PRKCB: variants seen among roughly 807,000 people sequenced by gnomAD.
The protein encoded by PRKCB is protein kinase C beta, also known as protein kinase C beta type.
Under a neutral mutation model 81.5 loss-of-function variants are expected in PRKCB, and 13 were observed. That is an observed-to-expected ratio of 0.16 (90% CI 0.10 to 0.25). The LOEUF is 0.25. PRKCB is among the 10% of genes least tolerant of loss of function. PRKCB has a pLI of 1.00. For missense variants in PRKCB, 509 were observed against 875.7 expected (o/e 0.58, Z 5.29); for synonymous variants, 335 against 321.4 (o/e 1.04, Z -0.45).
At chr16:24,058,288 T>C (rs1052252471) in intron 5 of PRKCB, among the ~76,000 whole-genome samples, 1 of 152,196 alleles carries the variant, frequency 6.6e-6, no homozygotes, top group Non-Finnish European at 1.5e-5. Context: ...TATTTGCTTC[T>C]TGCCTGTTTC....
At position 24,149,418 on chromosome 16, in the gene PRKCB, G is replaced by T. The variant is rs143187269; in HGVS notation, c.1066-5266G>T. On this transcript the variant is annotated intron_variant, in intron 9 of 16. Transcript: ENST00000643927. ...AATGAAAGCTTGATTAGAATATTAA[G>T]AAGAAAAGGAAAGTTTTCTCTCATC... 5.9e-5 allele frequency among the ~76,000 whole-genome samples: 9 copies of T among 152,286 alleles called. No individual in the cohort carries two copies. The East Asian group carries it at 1.7e-3, about 29-fold the overall frequency.
chr16:24,148,937 C>A (rs1967033744), intron 9 of PRKCB, among the ~76,000 whole-genome samples: 1 of 152,158 alleles, frequency 6.6e-6, no homozygotes, highest in African/African-American at 2.4e-5. Context: ...GCAAGTCATT[C>A]CAAAACATAG....
chr16:24,154,174 G>C (rs1967119248), intron 9 of PRKCB, among the ~76,000 whole-genome samples: 1 of 152,272 alleles, frequency 6.6e-6, no homozygotes, highest in East Asian at 1.9e-4. Context: ...TCTCTTGATT[G>C]AGTTCAGCTA....
In PRKCB at chr16:23,956,045, G is replaced by A. The variant is rs113353888; in HGVS notation, c.206-32463G>A. On this transcript the variant is annotated intron_variant, in intron 2 of 16. Transcript: ENST00000643927. Reference sequence around the variant, plus strand: ...TAGAAGCAATAAACAATATTTAGGTGTATTATCCTGTGAAATTTTTATAAA... The same window carrying A: ...TAGAAGCAATAAACAATATTTAGGTATATTATCCTGTGAAATTTTTATAAA... 2.4e-4 allele frequency among the ~76,000 whole-genome samples: 36 copies of A among 152,224 alleles called. 1 individual carries two copies. The highest frequency in any genetic ancestry group is 8.4e-4 in the African/African-American group (35 of 41,546).
chr16:23,851,071 T>G (rs760323704), intron 2 of PRKCB, among the ~76,000 whole-genome samples: 8 of 152,234 alleles, frequency 5.3e-5, no homozygotes, highest in Non-Finnish European at 1.2e-4. Flanking sequence ...GGCTGTCTCT[T>G]CACTTTGTTA....
chr16:24,216,569 G>A lies in PRKCB; in HGVS notation c.*1753G>A, dbSNP rs1968231645. On this transcript the variant is annotated 3_prime_UTR_variant, in exon 17 of 17. Coordinates refer to ENST00000643927, the MANE Select transcript of PRKCB (RefSeq NM_002738.7). ...CTTTAACAACTTGACAAATGTCCTT[G>A]AAGTAAGATGCCTCATCTTTAGGGA... 1.0e-6 allele frequency: 1 copy of A among 985,348 alleles called. No individual in the cohort carries two copies. Among genetic ancestry groups the A allele is most frequent in the Admixed American group, 6.1e-5 (1 of 16,276 alleles). 61.0% of individuals were successfully genotyped at this position (985,348 alleles called of 1,614,324 possible).
At chr16:23,972,935 A>C (rs2340988) in intron 2 of PRKCB, among the ~76,000 whole-genome samples, 64,360 of 152,046 alleles carry the variant, frequency 0.42, 14,202 homozygotes, top group Middle Eastern at 0.61. Flanking sequence ...GCTAATATTT[A>C]TGATGAGCTA....
Position 24,216,592 on chromosome 16 carries a change from G to A in PRKCB, c.*1776G>A, listed in dbSNP as rs1417108910. The A allele has an allele frequency of 1.0e-6, 1 of 985,300 alleles. No individual in the cohort carries two copies. The highest frequency in any genetic ancestry group is 1.2e-6 in the Non-Finnish European group (1 of 829,956). 61.0% of individuals were successfully genotyped at this position (985,300 alleles called of 1,614,324 possible). Reference sequence around the variant, plus strand: ...TTGAAGTAAGATGCCTCATCTTTAGGGAAAAATGGGGTTTGGATTTCTGCT... The same window carrying A: ...TTGAAGTAAGATGCCTCATCTTTAGAGAAAAATGGGGTTTGGATTTCTGCT... On this transcript the variant is annotated 3_prime_UTR_variant, in exon 17 of 17. Coordinates refer to ENST00000643927, the MANE Select transcript of PRKCB (RefSeq NM_002738.7).
chr16:23,932,747 T>C (rs1035247252), intron 2 of PRKCB, among the ~76,000 whole-genome samples: 4 of 152,240 alleles, frequency 2.6e-5, no homozygotes, highest in Admixed American at 6.5e-5. Context: ...CTGACAATCC[T>C]GCATTGAAGT....
At chr16:24,192,953 T>C (rs984178701) in intron 16 of PRKCB, among the ~76,000 whole-genome samples, 2 of 151,894 alleles carry the variant, frequency 1.3e-5, no homozygotes, top group Non-Finnish European at 2.9e-5. Context: ...GCATGGAGAA[T>C]CATCTCCTTT....
At chr16:24,139,794 T>TC (rs1253226165) in intron 9 of PRKCB, among the ~76,000 whole-genome samples, 3 of 152,206 alleles carry the variant, frequency 2.0e-5, no homozygotes, top group African/African-American at 7.2e-5. Context: ...ACGTAATAAA[T>TC]CAAGAAATAG....
At chr16:24,079,136 T>C (rs1966217366) in intron 5 of PRKCB, among the ~76,000 whole-genome samples, 1 of 152,210 alleles carries the variant, frequency 6.6e-6, no homozygotes, top group Admixed American at 6.5e-5. Context: ...ATACGATATA[T>C]TCTCCCCCGC....
chr16:24,001,334 A>T (rs1337067028), intron 3 of PRKCB, among the ~76,000 whole-genome samples: 1 of 152,170 alleles, frequency 6.6e-6, no homozygotes, highest in African/African-American at 2.4e-5. Context: ...AGGTCCTGTG[A>T]TCTCCTAATT....
intron 2 of PRKCB, among the ~76,000 whole-genome samples, chr16:23,886,707 C>T (rs937301076): frequency 1.3e-5 from 2 of 152,120 alleles, no homozygotes; most frequent in African/African-American, 4.8e-5. Context: ...GCCACCGTGC[C>T]CAGCCGTGTT....
rs1963999891 is a variant in PRKCB, at chr16:23,933,024, G to GTAACAGATGCTAT, written c.206-55482_206-55481insACAGATGCTATTA. On this transcript the variant is annotated intron_variant, in intron 2 of 16. Coordinates refer to ENST00000643927, the MANE Select transcript of PRKCB (RefSeq NM_002738.7). ...GGATTTGGAAGTGAGAATGAATGCT[G>GTAACAGATGCTAT]TAGCAGATGCTATTAGCTACCCATC... is the stretch of plus-strand genomic sequence containing the variant. Among the ~76,000 whole-genome samples the GTAACAGATGCTAT allele has an allele frequency of 4.0e-5, 6 of 151,594 alleles. No homozygotes were observed. In the South Asian group the frequency reaches 1.3e-3, roughly 32 times the overall value.
At chr16:23,887,345 C>G (rs371814204) in intron 2 of PRKCB, among the ~76,000 whole-genome samples, 6 of 152,142 alleles carry the variant, frequency 3.9e-5, no homozygotes, top group Non-Finnish European at 8.8e-5. Flanking sequence ...ACCGTTACCC[C>G]CTTCTCTCCC....
intron 2 of PRKCB, among the ~76,000 whole-genome samples, chr16:23,959,727 G>A (rs1964398782): frequency 6.6e-6 from 1 of 152,156 alleles, no homozygotes; most frequent in Non-Finnish European, 1.5e-5. Flanking sequence ...CCATAACTGT[G>A]TTGAAATCAC....
At position 24,204,892 on chromosome 16, in the gene PRKCB, C is replaced by T. The variant is rs889225461; in HGVS notation, c.1864-9766C>T. Reference sequence around the variant, plus strand: ...ATCCTAGCACTTTGGGAGGCCAAGGCGTGCAGATCACGAGGTCAGGAGTTC... The same window carrying T: ...ATCCTAGCACTTTGGGAGGCCAAGGTGTGCAGATCACGAGGTCAGGAGTTC... On this transcript the variant is annotated intron_variant, in intron 16 of 16. Coordinates refer to ENST00000643927, the MANE Select transcript of PRKCB (RefSeq NM_002738.7). Among the ~76,000 whole-genome samples the T allele has an allele frequency of 4.6e-5, 7 of 151,916 alleles. No homozygotes were observed. The East Asian group carries it at 5.8e-4, about 13-fold the overall frequency.
At chr16:24,172,091 C>A in intron 10 of PRKCB, 179 bp from the exon 11 acceptor site, 1 of 598,194 alleles carries the variant, frequency 1.7e-6, no homozygotes, top group East Asian at 2.8e-5. Context: ...CACCTATGCT[C>A]ACTTGCGTAG....
Sources: gnomAD v4.1 joint callset for allele counts (sites outside exome capture counted in the v4.1 genomes callset) on GRCh38, gnomAD v4.1.1 for gene constraint, MANE v1.5 for transcripts, NCBI Gene and HGNC (gene_info 2026-07-23, HGNC 2026-07-21) for gene names.